The following DMXL1 variants were observed in gnomAD, a reference collection of about 807,000 sequenced individuals.
DMXL1 encodes the protein Dmx like 1.
A neutral mutation model predicts 319.2 loss-of-function variants in DMXL1; 99 were observed. That is an observed-to-expected ratio of 0.31 (90% CI 0.26 to 0.37). The LOEUF is 0.37. Ranked by LOEUF, DMXL1 falls within the 10% of genes least tolerant of loss-of-function variation. DMXL1 has a pLI of 1.00. For missense variants in DMXL1, 3,745 were observed against 3,595.6 expected (o/e 1.04, Z -1.06); for synonymous variants, 1,385 against 1,235.2 (o/e 1.12, Z -2.54).
At chr5:119,131,563 C>G (rs1764907881) in intron 10 of DMXL1, among the ~76,000 whole-genome samples, 1 of 152,136 alleles carries the variant, frequency 6.6e-6, no homozygotes, top group Non-Finnish European at 1.5e-5. Context: ...AAAACTCAGT[C>G]CCAATTTTAG....
At chr5:119,109,554 C>T (rs1759119229) in intron 4 of DMXL1, among the ~76,000 whole-genome samples, 1 of 152,194 alleles carries the variant, frequency 6.6e-6, no homozygotes, top group African/African-American at 2.4e-5. Flanking sequence ...TTTTTCTAGC[C>T]TATCTGTGTA....
chr5:119,077,808 G>A (rs1338117158), intron 1 of DMXL1, among the ~76,000 whole-genome samples: 5 of 138,822 alleles, frequency 3.6e-5, no homozygotes, highest in Non-Finnish European at 4.6e-5. Context: ...CTTACCTGGC[G>A]AGACCCTATC....
chr5:119,233,579 T>A (rs567423719), intron 39 of DMXL1, 112 bp downstream of exon 39: 2 of 778,854 alleles, frequency 2.6e-6, no homozygotes, highest in African/African-American at 1.8e-5. Context: ...AAAGTATTGA[T>A]CTATATAGAT....
chr5:119,174,697 C>G (rs1022248232), intron 25 of DMXL1, among the ~76,000 whole-genome samples: 1 of 152,362 alleles, frequency 6.6e-6, no homozygotes, highest in African/African-American at 2.4e-5. Context: ...ATGGCCCTTG[C>G]CATGCCATGT....
intron 19 of DMXL1, among the ~76,000 whole-genome samples, chr5:119,158,213 T>G (rs1264125120): frequency 6.6e-6 from 1 of 151,930 alleles, no homozygotes; most frequent in African/African-American, 2.4e-5. Flanking sequence ...AGGTTTTTTT[T>G]TTTTTTTTTT....
At chr5:119,184,487 A>G (rs1417563384) in intron 28 of DMXL1, among the ~76,000 whole-genome samples, 1 of 152,200 alleles carries the variant, frequency 6.6e-6, no homozygotes, top group East Asian at 1.9e-4. Context: ...TTTTTCCATT[A>G]TAGTTTTTTT....
Position 119,239,687 on chromosome 5 carries a change from G to A in DMXL1, c.8651+607G>A, listed in dbSNP as rs534110272. ...GTAAAAATTGTGGGTCGGGCACAGT[G>A]GCTCATGCTTGTAATCCCAGCACTT... On this transcript the variant is annotated intron_variant, in intron 41 of 43. Transcript: ENST00000539542. 2.0e-5 allele frequency among the ~76,000 whole-genome samples: 3 copies of A among 152,300 alleles called. No homozygotes were observed. In the South Asian group the frequency reaches 6.2e-4, roughly 32 times the overall value.
At chr5:119,195,730 G>C (rs1400930113) in intron 30 of DMXL1, among the ~76,000 whole-genome samples, 1 of 152,068 alleles carries the variant, frequency 6.6e-6, no homozygotes, top group Non-Finnish European at 1.5e-5. Context: ...TAAATTTTAT[G>C]TTTTTGTATT....
chr5:119,189,202 G>T (rs140411228), intron 28 of DMXL1, among the ~76,000 whole-genome samples: 22 of 152,128 alleles, frequency 1.4e-4, no homozygotes, highest in Middle Eastern at 3.4e-3. Context: ...TCTCTGAGCC[G>T]TTTCCGAAAG....
Position 119,129,213 on chromosome 5 carries a change from A to G in DMXL1, c.1105A>G (p.Ile369Val), listed in dbSNP as rs762271070. ...IAASINPATD[I>V]PLLPSITSLS... ...TTTATCTTTTTTTTCTCTTATAGAC[A>G]TTCCACTTCTTCCATCTATTACATC... Residue 369 changes from isoleucine (I) to valine (V), a missense_variant and splice_region_variant, in exon 10 of 44, where the codon ATT (isoleucine) becomes GTT (valine). Transcript: ENST00000539542. The G allele has an allele frequency of 5.0e-6, 8 of 1,599,094 alleles. No individual in the cohort carries two copies. The highest frequency in any genetic ancestry group is 6.0e-6 in the Non-Finnish European group (7 of 1,171,564).
rs545090845 is a variant in DMXL1 at position 119,197,275 on chromosome 5, C to T, written c.7544-480C>T. 2.3e-3 allele frequency among the ~76,000 whole-genome samples: 356 copies of T among 152,098 alleles called. 2 individuals carry two copies. Among genetic ancestry groups the T allele is most frequent in the African/African-American group, 7.9e-3 (328 of 41,472 alleles). On this transcript the variant is annotated intron_variant, in intron 31 of 43. Coordinates refer to ENST00000539542, the MANE Select transcript of DMXL1 (RefSeq NM_001290321.3). Reference sequence around the variant, plus strand: ...GGCCACACAGGAAGAAGAATAATTGCCTTGGGCCACACATAAAATACATTG... The same window carrying T: ...GGCCACACAGGAAGAAGAATAATTGTCTTGGGCCACACATAAAATACATTG...
chr5:119,118,150 G>C (rs1761249165), intron 7 of DMXL1, among the ~76,000 whole-genome samples: 1 of 152,178 alleles, frequency 6.6e-6, no homozygotes, highest in African/African-American at 2.4e-5. Flanking sequence ...TTAACTGAAA[G>C]TCAAGGATGA....
chr5:119,157,674 GTCTGTT>G (rs1228496268), intron 19 of DMXL1, among the ~76,000 whole-genome samples: 3 of 152,014 alleles, frequency 2.0e-5, no homozygotes, highest in African/African-American at 7.2e-5. Context: ...TGTTCCATTG[GTCTGTT>G]TCTGTTTTTA....
chr5:119,134,196 TA>T lies in DMXL1; in HGVS notation c.2254+19del. ...TTGTCTGGGTAAGTATTCTGGTTTT[TA>T]TTACAGTAATTTAGATTTGCTGACA... On this transcript the variant is annotated intron_variant, in intron 12 of 43. Coordinates refer to ENST00000539542, the MANE Select transcript of DMXL1 (RefSeq NM_001290321.3). 1 of 1,607,656 alleles carries T rather than the reference TA, an allele frequency of 6.2e-7. No individual in the cohort carries two copies. Among genetic ancestry groups the T allele is most frequent in the Non-Finnish European group, 8.5e-7 (1 of 1,177,524 alleles).
intron 28 of DMXL1, among the ~76,000 whole-genome samples, chr5:119,183,566 A>G (rs554288999): frequency 2.0e-4 from 31 of 151,826 alleles, no homozygotes; most frequent in African/African-American, 7.2e-4. Flanking sequence ...TCCGCCTCCC[A>G]GGTTCAAGTG....
At position 119,203,301 on chromosome 5, in the gene DMXL1, T is replaced by A. The variant is rs1173679599; in HGVS notation, c.7746-18T>A. The stretch of plus-strand genomic sequence containing the variant: ...AATTTCTGAAGTTTATCATTAAATT[T>A]GCTGTCTCTCTCTGTAGATCCAAAC... On this transcript the variant is annotated intron_variant, in intron 32 of 43. Coordinates refer to ENST00000539542, the MANE Select transcript of DMXL1 (RefSeq NM_001290321.3). The A allele has an allele frequency of 6.8e-7, 1 of 1,478,888 alleles. No homozygotes were observed. The highest frequency in any genetic ancestry group is 1.4e-5 in the African/African-American group (1 of 70,358). 91.6% of individuals were successfully genotyped at this position (1,478,888 alleles called of 1,614,324 possible). A position where few individuals can be genotyped will look rare whatever the true frequency, so the allele number is the denominator to read the frequency against.
chr5:119,186,806 G>C (rs561982970), intron 28 of DMXL1, among the ~76,000 whole-genome samples: 1 of 152,148 alleles, frequency 6.6e-6, no homozygotes, highest in South Asian at 2.1e-4. Flanking sequence ...TATTCTGAGG[G>C]TGAGGAAAGG....
chr5:119,119,875 G>A (rs1761661260), intron 8 of DMXL1, among the ~76,000 whole-genome samples: 1 of 151,664 alleles, frequency 6.6e-6, no homozygotes, highest in Admixed American at 6.6e-5. Flanking sequence ...TTTGGGTGGG[G>A]GAGTTGTTTT....
chr5:119,119,381 C>T (rs1317012024), intron 8 of DMXL1, among the ~76,000 whole-genome samples: 1 of 152,126 alleles, frequency 6.6e-6, no homozygotes, highest in Non-Finnish European at 1.5e-5. Context: ...AGAAAACCCA[C>T]CCCACCCCCA....
Sources: allele counts gnomAD v4.1 joint callset (sites outside exome capture counted in the v4.1 genomes callset), GRCh38; gene constraint gnomAD v4.1.1; transcripts MANE v1.5; gene names NCBI Gene and HGNC (gene_info 2026-07-23, HGNC 2026-07-21).